The following ZSWIM5 variants were observed in gnomAD, a reference collection of about 807,000 sequenced individuals.
ZSWIM5 encodes zinc finger SWIM domain-containing protein 5.
ZSWIM5 carries 55 observed loss-of-function variants against 119.6 expected under a neutral mutation model. The ratio of observed to expected loss-of-function variants is 0.46; its 90% CI spans 0.37 to 0.58. The LOEUF (loss-of-function observed/expected upper bound fraction) is 0.58. ZSWIM5 is among the 20% of genes least tolerant of loss of function. The pLI, the probability that ZSWIM5 is intolerant of heterozygous loss-of-function variation, is 0.00. For synonymous variants in ZSWIM5, 537 were observed against 606.9 expected, an observed-to-expected ratio of 0.88 and a Z score of 1.69; for missense variants, 1,193 against 1,512.8, an observed-to-expected ratio of 0.79 and a Z score of 3.51.
intron 5 of ZSWIM5, among the ~76,000 whole-genome samples, chr1:45,046,621 G>C (rs942785668): frequency 7.6e-6 from 1 of 132,408 alleles, no homozygotes; most frequent in African/African-American, 3.1e-5. Flanking sequence ...GAGAGGAAAG[G>C]TCTGGGCAAG....
At chr1:45,077,452 G>A (rs572541748) in intron 2 of ZSWIM5, among the ~76,000 whole-genome samples, 33 of 152,236 alleles carry the variant, frequency 2.2e-4, no homozygotes, top group African/African-American at 6.7e-4. Flanking sequence ...GGGAGTGTGC[G>A]AATAGATGTG....
chr1:45,175,192 AT>A (rs1645972503), intron 1 of ZSWIM5, among the ~76,000 whole-genome samples: 2 of 152,108 alleles, frequency 1.3e-5, no homozygotes, highest in African/African-American at 4.8e-5. Flanking sequence ...TTATTTCATC[AT>A]GATTAGATTC....
At chr1:45,031,136 T>C (rs901540599) in intron 11 of ZSWIM5, among the ~76,000 whole-genome samples, 31 of 151,310 alleles carry the variant, frequency 2.0e-4, no homozygotes, top group Admixed American at 1.2e-3. Context: ...TTGGTTTCAT[T>C]GATTATTCTC....
chr1:45,048,061 CTTT>C (rs71671774), intron 5 of ZSWIM5, among the ~76,000 whole-genome samples: 90,737 of 117,514 alleles, frequency 0.77, 34,684 homozygotes, highest in Non-Finnish European at 0.83. Flanking sequence ...TTCTTTCTTT[CTTT>C]CTTTCCTTTT....
chr1:45,137,955 C>T (rs1201217369), intron 1 of ZSWIM5, among the ~76,000 whole-genome samples: 2 of 152,092 alleles, frequency 1.3e-5, no homozygotes, highest in Admixed American at 6.5e-5. Context: ...AAAGAATTCA[C>T]GGGAGAGATC....
intron 1 of ZSWIM5, among the ~76,000 whole-genome samples, chr1:45,125,946 C>T (rs1645618602): frequency 6.6e-6 from 1 of 151,830 alleles, no homozygotes. Flanking sequence ...CAAGAGCTTG[C>T]ACCCCTAGCT....
intron 1 of ZSWIM5, among the ~76,000 whole-genome samples, chr1:45,137,198 G>C (rs1455628769): frequency 6.6e-6 from 1 of 152,056 alleles, no homozygotes; most frequent in Non-Finnish European, 1.5e-5. Flanking sequence ...CAAGTAGCTG[G>C]AACTCCAAGC....
rs1645002969 is a variant in ZSWIM5, at chr1:45,039,043, G to A, written c.1787C>T (p.Thr596Ile). 7 of 1,614,154 alleles carry A rather than the reference G, an allele frequency of 4.3e-6. No individual in the cohort carries two copies. The East Asian group carries it at 1.6e-4, about 36-fold the overall frequency. ...ELLQRGTTTITNLEGWVGHPL... is the reference protein window; with the variant it reads ...ELLQRGTTTIINLEGWVGHPL... The stretch of plus-strand genomic sequence containing the variant: ...GTGGCCCACCCAGCCCTCCAGGTTT[G>A]TGATGGTTGTGGTTCCTCTCTGCAA... Residue 596 changes from threonine (T) to isoleucine (I), a missense_variant, in exon 8 of 14, where the codon ACA (threonine) becomes ATA (isoleucine). By Grantham distance (89) the Thr-to-Ile change is moderately conservative. Coordinates refer to ENST00000359600, the MANE Select transcript of ZSWIM5 (RefSeq NM_020883.2).
At chr1:45,190,789 C>T (rs1198785051) in intron 1 of ZSWIM5, among the ~76,000 whole-genome samples, 1 of 152,046 alleles carries the variant, frequency 6.6e-6, no homozygotes, top group Non-Finnish European at 1.5e-5. Context: ...TGTGAAAGAA[C>T]GGCAACAGAA....
chr1:45,113,665 GTAAGAAT>G (rs1645530748), intron 1 of ZSWIM5, among the ~76,000 whole-genome samples: 2 of 152,318 alleles, frequency 1.3e-5, no homozygotes, highest in South Asian at 4.1e-4. Context: ...TAAAATGATG[GTAAGAAT>G]TAAGATAGCT....
Position 45,036,278 on chromosome 1 carries a change from G to A in ZSWIM5, c.1916C>T (p.Pro639Leu), listed in dbSNP as rs373322583. ...AGCCACAGGTACATGCTGGTACACA[G>A]GGGGTCTGCTTTCATTCATATCTGA... ...EMSDMNESRPPVYQHVPVAAG... is the reference protein window; with the variant it reads ...EMSDMNESRPLVYQHVPVAAG... Residue 639 changes from proline to leucine, a missense_variant, in exon 9 of 14, where the codon CCT (proline) becomes CTT (leucine). By Grantham distance (98) the Pro-to-Leu change is moderately conservative (BLOSUM62 -3). Transcript: ENST00000359600. The A allele has an allele frequency of 1.2e-6, 2 of 1,613,508 alleles. No homozygotes were observed. The highest frequency in any genetic ancestry group is 1.7e-4 in the Middle Eastern group (1 of 5,816).
chr1:45,153,170 C>G (rs1645807654), intron 1 of ZSWIM5, among the ~76,000 whole-genome samples: 1 of 149,522 alleles, frequency 6.7e-6, no homozygotes, highest in African/African-American at 2.4e-5. Context: ...CACTTGCACA[C>G]TACTGGTGGT....
Position 45,087,415 on chromosome 1 carries a change from C to T in ZSWIM5, c.952+466G>A, listed in dbSNP as rs74070852. 6.8e-3 allele frequency among the ~76,000 whole-genome samples: 1,037 copies of T among 152,232 alleles called. 11 individuals carry two copies. Among genetic ancestry groups the T allele is most frequent in the African/African-American group, 0.022 (926 of 41,534 alleles). ...CATAAACTCTTTCTCCATTAATGCA[C>T]CCCCAATATATAGTTCATAAGCACA... is the stretch of plus-strand genomic sequence containing the variant. On this transcript the variant is annotated intron_variant, in intron 2 of 13. Coordinates refer to ENST00000359600, the MANE Select transcript of ZSWIM5 (RefSeq NM_020883.2).
chr1:45,093,667 A>T (rs1039335837), intron 1 of ZSWIM5, among the ~76,000 whole-genome samples: 3 of 152,214 alleles, frequency 2.0e-5, no homozygotes, highest in African/African-American at 7.2e-5. Flanking sequence ...AGTCCCTTTC[A>T]AATATCTATA....
chr1:45,119,204 T>G (rs1361469146), intron 1 of ZSWIM5, among the ~76,000 whole-genome samples: 1 of 152,154 alleles, frequency 6.6e-6, no homozygotes, highest in Non-Finnish European at 1.5e-5. Context: ...TTAAGACCAT[T>G]TTTTTCCACC....
intron 1 of ZSWIM5, among the ~76,000 whole-genome samples, chr1:45,178,349 G>C (rs1304266075): frequency 1.3e-5 from 2 of 152,092 alleles, no homozygotes; most frequent in African/African-American, 4.8e-5. Context: ...GCTTGAACCT[G>C]GGAGGTGGAG....
intron 2 of ZSWIM5, among the ~76,000 whole-genome samples, chr1:45,079,627 G>T (rs997874618): frequency 1.3e-5 from 2 of 152,146 alleles, no homozygotes; most frequent in African/African-American, 4.8e-5. Flanking sequence ...GGCTGAGCTG[G>T]TACCTAAGGT....
At chr1:45,037,558 T>C (rs1644992918) in intron 8 of ZSWIM5, among the ~76,000 whole-genome samples, 1 of 152,254 alleles carries the variant, frequency 6.6e-6, no homozygotes, top group South Asian at 2.1e-4. Flanking sequence ...GATTAGACCA[T>C]CTTGTTGTTC....
chr1:45,109,120 T>A (rs1205771935), intron 1 of ZSWIM5, among the ~76,000 whole-genome samples: 1 of 152,220 alleles, frequency 6.6e-6, no homozygotes, highest in Non-Finnish European at 1.5e-5. Context: ...TCAAAACAAA[T>A]TCAGTTAGGA....
Sources: gnomAD v4.1 joint callset for allele counts (sites outside exome capture counted in the v4.1 genomes callset) on GRCh38, gnomAD v4.1.1 for gene constraint, MANE v1.5 for transcripts, NCBI Gene and HGNC (gene_info 2026-07-23, HGNC 2026-07-21) for gene names.